The following WDPCP variants were observed in gnomAD, a reference collection of about 807,000 sequenced individuals.
WDPCP encodes WD repeat-containing and planar cell polarity effector protein fritz homolog.
WDPCP carries 71 observed loss-of-function variants against 93.1 expected under a neutral mutation model. The ratio of observed to expected loss-of-function variants is 0.76; its 90% CI spans 0.63 to 0.93. The LOEUF (loss-of-function observed/expected upper bound fraction) is 0.93. Ranked by LOEUF, WDPCP falls within the 40% of genes least tolerant of loss-of-function variation. The pLI is 0.00. For missense variants in WDPCP, 844 were observed against 887.4 expected (o/e 0.95, Z 0.62); for synonymous variants, 315 against 315.0 (o/e 1.00, Z 0.00).
Position 63,198,770 on chromosome 2 carries a change from G to A in WDPCP, c.1916-23938C>T, listed in dbSNP as rs984984899. Among the ~76,000 whole-genome samples the A allele has an allele frequency of 2.6e-5, 4 of 152,314 alleles. No homozygotes were observed. The Middle Eastern group carries it at 0.01, about 389-fold the overall frequency. On this transcript the variant is annotated intron_variant, in intron 14 of 17. Transcript: ENST00000272321. ...TGTGAGAAAGGACTAATACAGAAAA[G>A]TGGTACTGGGAGAGGGGCATTGCTA...
intron 2 of WDPCP, among the ~76,000 whole-genome samples, chr2:63,759,678 T>A (rs1435565789): frequency 6.6e-6 from 1 of 152,216 alleles, no homozygotes; most frequent in Non-Finnish European, 1.5e-5. Context: ...ATACACCAAC[T>A]ACTGGGTTTC....
chr2:63,469,172 G>A (rs1007179447), intron 6 of WDPCP, among the ~76,000 whole-genome samples: 1 of 152,138 alleles, frequency 6.6e-6, no homozygotes, highest in Non-Finnish European at 1.5e-5. Flanking sequence ...AGTCAGAATG[G>A]CTATTACTAA....
chr2:63,439,978 C>T (rs894640399), intron 6 of WDPCP, 107 bp from the exon 7 acceptor site: 1 of 758,714 alleles, frequency 1.3e-6, no homozygotes, highest in Non-Finnish European at 2.3e-6. Context: ...TTTACACATG[C>T]ATCTACACTA....
intron 12 of WDPCP, among the ~76,000 whole-genome samples, chr2:63,326,446 C>T (rs1687548255): frequency 1.3e-5 from 2 of 152,050 alleles, no homozygotes; most frequent in Admixed American, 6.6e-5. Flanking sequence ...GGGACCAGCG[C>T]CCAGTTAGCA....
At chr2:63,254,159 A>G (rs1185219790) in intron 14 of WDPCP, among the ~76,000 whole-genome samples, 1 of 152,132 alleles carries the variant, frequency 6.6e-6, no homozygotes, top group Admixed American at 6.5e-5. Context: ...ATATTCTCAT[A>G]TGTAAGTGGG....
At chr2:63,712,809 T>C (rs923145077) in intron 2 of WDPCP, among the ~76,000 whole-genome samples, 3 of 152,234 alleles carry the variant, frequency 2.0e-5, no homozygotes, top group Non-Finnish European at 4.4e-5. Flanking sequence ...CGAGGGTTCA[T>C]CTGCCTACAC....
At chr2:63,243,769 G>A (rs1209565015) in intron 14 of WDPCP, among the ~76,000 whole-genome samples, 2 of 151,976 alleles carry the variant, frequency 1.3e-5, no homozygotes, top group African/African-American at 2.4e-5. Context: ...GGGGGACTTC[G>A]GGGGCTTCAA....
At chr2:63,818,615 A>T (rs1408337433) in intron 1 of WDPCP, among the ~76,000 whole-genome samples, 1 of 152,234 alleles carries the variant, frequency 6.6e-6, no homozygotes, top group East Asian at 1.9e-4. Flanking sequence ...CTACTTAGCA[A>T]TGAAAATGAT....
intron 2 of WDPCP, among the ~76,000 whole-genome samples, chr2:63,676,569 A>C (rs1187265940): frequency 3.9e-5 from 6 of 152,204 alleles, no homozygotes; most frequent in African/African-American, 1.2e-4. Context: ...AAAGAACCAA[A>C]AACAAAAAAA....
chr2:63,669,678 G>A (rs1710322185), intron 2 of WDPCP, among the ~76,000 whole-genome samples: 1 of 152,060 alleles, frequency 6.6e-6, no homozygotes, highest in African/African-American at 2.4e-5. Context: ...AATTTAAAGA[G>A]TATATTCTCT....
At chr2:63,531,994 A>G (rs1056312479) in intron 1 of WDPCP, among the ~76,000 whole-genome samples, 4 of 152,198 alleles carry the variant, frequency 2.6e-5, no homozygotes, top group African/African-American at 9.7e-5. Context: ...TAACTAGAAT[A>G]ACCAGCATAG....
intron 16 of WDPCP, 60 bp from the exon 17 acceptor site, chr2:63,153,005 A>AT (rs950147340): frequency 2.8e-6 from 4 of 1,432,934 alleles, no homozygotes; most frequent in Non-Finnish European, 3.9e-6. Context: ...CCTTAAGAAA[A>AT]TTTTTTTACA....
chr2:63,374,657 C>T (rs1444798800), intron 12 of WDPCP, among the ~76,000 whole-genome samples: 2 of 152,096 alleles, frequency 1.3e-5, no homozygotes, highest in Non-Finnish European at 2.9e-5. Flanking sequence ...AGCTAAAAGC[C>T]ATTTCCAAAA....
At chr2:63,517,542 CATT>C (rs1702632781) in intron 1 of WDPCP, among the ~76,000 whole-genome samples, 1 of 152,118 alleles carries the variant, frequency 6.6e-6, no homozygotes, top group African/African-American at 2.4e-5. Flanking sequence ...TATAATAAAA[CATT>C]ATATAAGACT....
chr2:63,576,042 A>C (rs1708090903), intron 1 of WDPCP, among the ~76,000 whole-genome samples: 1 of 152,138 alleles, frequency 6.6e-6, no homozygotes, highest in African/African-American at 2.4e-5. Context: ...GACAAACCAA[A>C]GTGTTTTTCC....
intron 3 of WDPCP, among the ~76,000 whole-genome samples, chr2:63,598,423 C>A (rs1048063974): frequency 1.4e-4 from 22 of 152,264 alleles, no homozygotes; most frequent in African/African-American, 5.1e-4. Flanking sequence ...GCCACCACGC[C>A]CAGCCAAACC....
At chr2:63,228,822 C>CAGTCT (rs1559225108) in intron 14 of WDPCP, 1 of 152,112 alleles carries the variant, frequency 6.6e-6, no homozygotes, top group East Asian at 1.9e-4. Context: ...TTTCTTAACC[C>CAGTCT]AGTCTATCAT....
chr2:63,776,898 AG>A (rs1305125201), intron 2 of WDPCP, among the ~76,000 whole-genome samples: 4 of 152,152 alleles, frequency 2.6e-5, no homozygotes, highest in African/African-American at 9.7e-5. Context: ...ACATAAAAAA[AG>A]TTGATCTCAT....
intron 3 of WDPCP, among the ~76,000 whole-genome samples, chr2:63,629,241 T>C (rs1459639627): frequency 6.6e-6 from 1 of 152,086 alleles, no homozygotes; most frequent in Non-Finnish European, 1.5e-5. Context: ...TAGGCAATAA[T>C]TGCTCTACAC....
Sources: allele counts gnomAD v4.1 joint callset (sites outside exome capture counted in the v4.1 genomes callset), GRCh38; gene constraint gnomAD v4.1.1; transcripts MANE v1.5; gene names NCBI Gene and HGNC (gene_info 2026-07-23, HGNC 2026-07-21).